PRICKLE2: variants seen among roughly 807,000 people sequenced by gnomAD.
The protein encoded by PRICKLE2 is prickle planar cell polarity protein 2, also known as prickle-like protein 2.
A neutral mutation model predicts 81.4 loss-of-function variants in PRICKLE2; 21 were observed. The observed-to-expected ratio is 0.26, with a 90% CI of 0.18 to 0.37. PRICKLE2 has a LOEUF of 0.37. Among genes scored for constraint, PRICKLE2 ranks in the 10% least tolerant of loss-of-function variants. PRICKLE2 has a pLI of 1.00. For synonymous variants in PRICKLE2, 456 were observed against 421.5 expected (o/e 1.08, Z -1.00); for missense variants, 940 against 1,109.0 (o/e 0.85, Z 2.16).
Position 64,117,626 on chromosome 3 carries a change from T to C in PRICKLE2, c.1661-17701A>G, listed in dbSNP as rs145550352. Among the ~76,000 whole-genome samples, 948 of 152,184 alleles carry C rather than the reference T, an allele frequency of 6.2e-3. 8 individuals carry two copies. Among genetic ancestry groups the C allele is most frequent in the African/African-American group, 0.022 (905 of 41,512 alleles). ...ATTGCCACAAAAAGAATACATTACC[T>C]AGGAATACAGCTGACTAGGGAGGTG... On this transcript the variant is annotated intron_variant, in intron 7 of 7. Coordinates refer to ENST00000638394, the MANE Select transcript of PRICKLE2 (RefSeq NM_198859.4).
At chr3:64,128,782 A>G (rs181516427) in intron 7 of PRICKLE2, among the ~76,000 whole-genome samples, 156 of 151,328 alleles carry the variant, frequency 1.0e-3, no homozygotes, top group African/African-American at 3.6e-3. Context: ...CAATGTTATG[A>G]TACCATATTA....
At chr3:64,130,442 C>T (rs991976295) in intron 7 of PRICKLE2, among the ~76,000 whole-genome samples, 4 of 152,180 alleles carry the variant, frequency 2.6e-5, no homozygotes, top group African/African-American at 9.7e-5. Context: ...GCTCAAGATC[C>T]TCTTGAGAGA....
intron 2 of PRICKLE2, among the ~76,000 whole-genome samples, chr3:64,258,781 G>GCA (rs2079565099): frequency 3.1e-5 from 4 of 130,754 alleles, no homozygotes; most frequent in Non-Finnish European, 6.2e-5. Flanking sequence ...CCGAGATCAT[G>GCA]CCACTGCACT....
At chr3:64,174,198 T>C (rs1002788909) in intron 2 of PRICKLE2, among the ~76,000 whole-genome samples, 2 of 152,158 alleles carry the variant, frequency 1.3e-5, no homozygotes, top group Non-Finnish European at 2.9e-5. Context: ...TTACCTACAG[T>C]ATAGGAGAAA....
chr3:64,185,557 T>C (rs2078213211), intron 2 of PRICKLE2, among the ~76,000 whole-genome samples: 1 of 152,214 alleles, frequency 6.6e-6, no homozygotes, highest in South Asian at 2.1e-4. Context: ...ACTCATTTTC[T>C]TGTGCCATCC....
Position 64,096,322 on chromosome 3 carries a change from T to C in PRICKLE2, c.*2729A>G, listed in dbSNP as rs1469991918. The stretch of plus-strand genomic sequence containing the variant: ...GTCCAATAAGAGTTAATGGTTGTGA[T>C]GGAGGAATTAGGTGAGGACCTTAAG... On this transcript the variant is annotated 3_prime_UTR_variant, in exon 8 of 8. Coordinates refer to ENST00000638394, the MANE Select transcript of PRICKLE2 (RefSeq NM_198859.4). The C allele has an allele frequency of 6.6e-6, 1 of 152,212 alleles. No homozygotes were observed. The allele number at this position is 152,212 out of a possible 1,614,324, so 9.4% of individuals were successfully genotyped here.
At chr3:64,136,447 C>T (rs1028942576) in intron 7 of PRICKLE2, among the ~76,000 whole-genome samples, 2 of 149,150 alleles carry the variant, frequency 1.3e-5, no homozygotes. Flanking sequence ...AGAATTTGCA[C>T]AATTGACAAG....
At chr3:64,177,125 CTTTTTTTTTTTTTTTT>C (rs10690677) in intron 2 of PRICKLE2, among the ~76,000 whole-genome samples, 1 of 70,838 alleles carries the variant, frequency 1.4e-5, no homozygotes, top group African/African-American at 6.1e-5. Context: ...CCATTTTAAC[CTTTTTTTTTTTTTTTT>C]TTTTTTTTTT....
rs1444582899 is a variant in PRICKLE2 at position 64,095,846 on chromosome 3, A to T, written c.*3205T>A. On this transcript the variant is annotated 3_prime_UTR_variant, in exon 8 of 8. Transcript: ENST00000638394. The stretch of plus-strand genomic sequence containing the variant: ...CCAGGACTTCTTCCTTGGATGTATG[A>T]AAAACCAGGAAGCATGGTTCTGATC... 6.6e-6 allele frequency: 1 copy of T among 152,208 alleles called. No individual in the cohort carries two copies. Among genetic ancestry groups the T allele is most frequent in the Non-Finnish European group, 1.5e-5 (1 of 68,032 alleles). The allele number at this position is 152,208 out of a possible 1,614,324, so 9.4% of individuals were successfully genotyped here.
At chr3:64,114,472 G>A (rs2076902591) in intron 7 of PRICKLE2, among the ~76,000 whole-genome samples, 1 of 152,078 alleles carries the variant, frequency 6.6e-6, no homozygotes, top group Non-Finnish European at 1.5e-5. Flanking sequence ...AGCTAAAAAT[G>A]ATGATAAAAC....
chr3:64,207,755 C>T (rs1416509841), intron 1 of PRICKLE2, among the ~76,000 whole-genome samples: 3 of 152,160 alleles, frequency 2.0e-5, no homozygotes, highest in African/African-American at 7.2e-5. Flanking sequence ...AACCAGATTT[C>T]ACTAGCTATC....
intron 7 of PRICKLE2, among the ~76,000 whole-genome samples, chr3:64,132,822 G>A (rs1033852197): frequency 2.0e-5 from 3 of 152,134 alleles, no homozygotes; most frequent in African/African-American, 7.2e-5. Flanking sequence ...GATATATTTT[G>A]GGCAGATGCC....
At chr3:64,241,896 C>T (rs1478677517) in intron 2 of PRICKLE2, among the ~76,000 whole-genome samples, 1 of 152,140 alleles carries the variant, frequency 6.6e-6, no homozygotes, top group Non-Finnish European at 1.5e-5. Context: ...AAACAAAACC[C>T]ACCAGGTATC....
At chr3:64,230,663 G>T (rs1180964410) in intron 2 of PRICKLE2, among the ~76,000 whole-genome samples, 1 of 152,110 alleles carries the variant, frequency 6.6e-6, no homozygotes, top group African/African-American at 2.4e-5. Context: ...CAACAAAAAA[G>T]ACCTGAATTC....
At chr3:64,205,250 C>A in intron 1 of PRICKLE2, among the ~76,000 whole-genome samples, 1 of 152,076 alleles carries the variant, frequency 6.6e-6, no homozygotes, top group East Asian at 1.9e-4. Flanking sequence ...TCCTCTACCC[C>A]AAAACAACCT....
At chr3:64,141,156 T>C (rs550641140) in intron 7 of PRICKLE2, among the ~76,000 whole-genome samples, 1 of 152,338 alleles carries the variant, frequency 6.6e-6, no homozygotes, top group South Asian at 2.1e-4. Flanking sequence ...TCTATTATGA[T>C]TATCATTGGT....
intron 7 of PRICKLE2, among the ~76,000 whole-genome samples, chr3:64,126,424 C>G (rs1195775387): frequency 6.6e-6 from 1 of 152,190 alleles, no homozygotes; most frequent in African/African-American, 2.4e-5. Flanking sequence ...CAACCCACAC[C>G]TCTACCTCAA....
rs1307310321 is a variant in PRICKLE2 at position 64,095,290 on chromosome 3, T to A, written c.*3761A>T. On this transcript the variant is annotated 3_prime_UTR_variant, in exon 8 of 8. Coordinates refer to ENST00000638394, the MANE Select transcript of PRICKLE2 (RefSeq NM_198859.4). ...GGCAGGTGAATTGGAGTCTCCGAAT[T>A]ACTTATACATATTGGTTCCTAAATG... The A allele has an allele frequency of 6.6e-6, 1 of 152,186 alleles. No individual in the cohort carries two copies. The highest frequency in any genetic ancestry group is 1.9e-4 in the East Asian group (1 of 5,192). The allele number at this position is 152,186 out of a possible 1,614,324, so 9.4% of individuals were successfully genotyped here. A position where few individuals can be genotyped will look rare whatever the true frequency, so the allele number is the denominator to read the frequency against.
chr3:64,123,437 G>C (rs2077059801), intron 7 of PRICKLE2, among the ~76,000 whole-genome samples: 1 of 152,212 alleles, frequency 6.6e-6, no homozygotes, highest in Non-Finnish European at 1.5e-5. Context: ...TGGATTTTTA[G>C]ATTAGTGATG....
Sources: gnomAD v4.1 joint callset for allele counts (sites outside exome capture counted in the v4.1 genomes callset) on GRCh38, gnomAD v4.1.1 for gene constraint, MANE v1.5 for transcripts, NCBI Gene and HGNC (gene_info 2026-07-23, HGNC 2026-07-21) for gene names.